Variants in SMAD7 observed in about 807,000 individuals in gnomAD.
The protein encoded by SMAD7 is SMAD family member 7, also known as MAD (mothers against decapentaplegic, Drosophila) homolog 7.
Under a neutral mutation model 38.7 loss-of-function variants are expected in SMAD7, and 8 were observed. The observed-to-expected ratio is 0.21, with a 90% CI of 0.12 to 0.37. SMAD7 has a LOEUF of 0.37. Ranked by LOEUF, SMAD7 falls within the 10% of genes least tolerant of loss-of-function variation. The pLI, the probability that SMAD7 is intolerant of heterozygous loss-of-function variation, is 1.00. For missense variants in SMAD7, 477 were observed against 577.9 expected (o/e 0.83, Z 1.79); for synonymous variants, 327 against 265.1 (o/e 1.23, Z -2.27).
At chr18:48,924,747 C>A (rs770672472) in intron 3 of SMAD7, among the ~76,000 whole-genome samples, 2 of 152,144 alleles carry the variant, frequency 1.3e-5, no homozygotes, top group African/African-American at 2.4e-5. Flanking sequence ...TCTGTCCTCC[C>A]GTTAGGACAG....
intron 3 of SMAD7, among the ~76,000 whole-genome samples, chr18:48,933,315 C>A (rs1165314288): frequency 6.6e-6 from 1 of 152,136 alleles, no homozygotes; most frequent in Non-Finnish European, 1.5e-5. Context: ...GCTGCCCCTG[C>A]CTGCCTCCAG....
At chr18:48,947,157 T>C (rs142037781) in intron 2 of SMAD7, among the ~76,000 whole-genome samples, 12 of 152,332 alleles carry the variant, frequency 7.9e-5, no homozygotes, top group African/African-American at 1.9e-4. Context: ...TTAATAACCA[T>C]TTATCTGGTG....
At chr18:48,929,765 T>C (rs2069974405) in intron 3 of SMAD7, among the ~76,000 whole-genome samples, 1 of 151,974 alleles carries the variant, frequency 6.6e-6, no homozygotes, top group Non-Finnish European at 1.5e-5. Flanking sequence ...GGCCTCGTTT[T>C]AATAAAGCCC....
chr18:48,928,949 C>T (rs938696258), intron 3 of SMAD7, among the ~76,000 whole-genome samples: 1 of 152,152 alleles, frequency 6.6e-6, no homozygotes, highest in African/African-American at 2.4e-5. Flanking sequence ...TGTGCCCCAG[C>T]ATTCAGCCAT....
At chr18:48,947,892 A>AACCCC (rs1491506031) in intron 2 of SMAD7, among the ~76,000 whole-genome samples, 5 of 113,194 alleles carry the variant, frequency 4.4e-5, no homozygotes, top group African/African-American at 1.7e-4. Context: ...GGAGGAACCT[A>AACCCC]CCCCCCCCCC....
chr18:48,929,035 G>A (rs2143770815), intron 3 of SMAD7, among the ~76,000 whole-genome samples: 1 of 152,258 alleles, frequency 6.6e-6, no homozygotes, highest in East Asian at 1.9e-4. Context: ...GCTCCTCTGA[G>A]AGAGGCCTCA....
chr18:48,935,066 A>T (rs2070048302), intron 3 of SMAD7, among the ~76,000 whole-genome samples: 1 of 152,206 alleles, frequency 6.6e-6, no homozygotes, highest in Non-Finnish European at 1.5e-5. Flanking sequence ...TGGCTTCGTA[A>T]GAAGCCTGGT....
chr18:48,934,621 A>G (rs1568301607), intron 3 of SMAD7, among the ~76,000 whole-genome samples: 1 of 152,218 alleles, frequency 6.6e-6, no homozygotes, highest in Non-Finnish European at 1.5e-5. Context: ...AAGATTCTTT[A>G]GTAAAATGGG....
intron 3 of SMAD7, among the ~76,000 whole-genome samples, chr18:48,939,996 ACT>A (rs903179530): frequency 4.6e-5 from 7 of 151,220 alleles, no homozygotes; most frequent in Admixed American, 2.6e-4. Context: ...CATTTACAAA[ACT>A]CTCTGCCCTG....
intron 3 of SMAD7, among the ~76,000 whole-genome samples, chr18:48,926,601 C>T (rs943965601): frequency 1.3e-5 from 2 of 152,258 alleles, no homozygotes; most frequent in Admixed American, 6.5e-5. Context: ...GGCACGGCCG[C>T]CTCCTGCAGG....
chr18:48,938,293 G>T (rs868035242), intron 3 of SMAD7, among the ~76,000 whole-genome samples: 1 of 152,180 alleles, frequency 6.6e-6, no homozygotes, highest in Non-Finnish European at 1.5e-5. Context: ...CAGACTTGGG[G>T]ACTAGTAGCC....
rs1039347602 is a variant in SMAD7 at position 48,921,144 on chromosome 18, C to T, written c.*228G>A. ...CAGGGTGTCCTGCCGATCATACCTG[C>T]CCCTTCTTCCAAAAAAACCCCCAAC... is the stretch of plus-strand genomic sequence containing the variant. On this transcript the variant is annotated 3_prime_UTR_variant, in exon 4 of 4. Transcript: ENST00000262158. The surrounding 1 kb of genome is among the most constrained non-coding windows in gnomAD (Gnocchi z 6.4). 1.8e-6 allele frequency: 1 copy of T among 546,462 alleles called. No individual in the cohort carries two copies. The highest frequency in any genetic ancestry group is 3.3e-6 in the Non-Finnish European group (1 of 307,128). The allele number at this position is 546,462 out of a possible 1,614,324, so 33.9% of individuals were successfully genotyped here. A position where few individuals can be genotyped will look rare whatever the true frequency, so the allele number is the denominator to read the frequency against.
At chr18:48,939,675 C>A (rs1031537869) in intron 3 of SMAD7, among the ~76,000 whole-genome samples, 1 of 152,048 alleles carries the variant, frequency 6.6e-6, no homozygotes, top group African/African-American at 2.4e-5. Flanking sequence ...TCCTCCCACC[C>A]TAAACTGAGC....
chr18:48,928,616 T>C (rs985889598), intron 3 of SMAD7, among the ~76,000 whole-genome samples: 2 of 152,088 alleles, frequency 1.3e-5, no homozygotes, highest in Admixed American at 6.5e-5. Flanking sequence ...ATCACCGCCC[T>C]CCTTGCCACC....
At chr18:48,935,108 C>T in intron 3 of SMAD7, among the ~76,000 whole-genome samples, 1 of 152,138 alleles carries the variant, frequency 6.6e-6, no homozygotes, top group Non-Finnish European at 1.5e-5. Context: ...ATCCACGGGG[C>T]ACCTTCCACG....
chr18:48,936,077 AACACACACACACAC>A (rs74174732), intron 3 of SMAD7, among the ~76,000 whole-genome samples: 2 of 79,480 alleles, frequency 2.5e-5, no homozygotes, highest in Non-Finnish European at 2.3e-5. Context: ...TCCATCTCAA[AACACACACACACAC>A]ACACACACAC....
intron 2 of SMAD7, among the ~76,000 whole-genome samples, chr18:48,946,913 T>C (rs764664280): frequency 5.9e-5 from 9 of 152,194 alleles, no homozygotes; most frequent in Admixed American, 2.0e-4. Context: ...CTGCTGGTCT[T>C]TATCCCTGGG....
At chr18:48,939,954 C>T (rs1466731431) in intron 3 of SMAD7, among the ~76,000 whole-genome samples, 6 of 151,686 alleles carry the variant, frequency 4.0e-5, no homozygotes, top group Non-Finnish European at 7.4e-5. Flanking sequence ...GAACGATCAA[C>T]TTCTTGAAAA....
chr18:48,948,615 C>T (rs1421952901), intron 1 of SMAD7, 178 bp from the exon 2 acceptor site: 1 of 447,182 alleles, frequency 2.2e-6, no homozygotes, highest in Admixed American at 4.7e-5. Flanking sequence ...AAAGAGGCCG[C>T]CTGGCGCCAG....
Sources: gnomAD v4.1 joint callset for allele counts (sites outside exome capture counted in the v4.1 genomes callset) on GRCh38, gnomAD v4.1.1 for gene constraint, Gnocchi (gnomAD v3.1) non-coding constraint, MANE v1.5 for transcripts, NCBI Gene and HGNC (gene_info 2026-07-23, HGNC 2026-07-21) for gene names.